The following SLC38A4 variants were observed in gnomAD, a reference collection of about 807,000 sequenced individuals.
SLC38A4 encodes the protein solute carrier family 38 member 4.
A neutral mutation model predicts 63.1 loss-of-function variants in SLC38A4; 20 were observed. The observed-to-expected ratio is 0.32, with a 90% CI of 0.22 to 0.46. The LOEUF (loss-of-function observed/expected upper bound fraction) is 0.46. Ranked by LOEUF, SLC38A4 falls within the 20% of genes least tolerant of loss-of-function variation. SLC38A4 has a pLI of 1.00. For synonymous variants in SLC38A4, 230 were observed against 225.5 expected (o/e 1.02, Z -0.18); for missense variants, 526 against 663.6 (o/e 0.79, Z 2.28).
intron 14 of SLC38A4, among the ~76,000 whole-genome samples, chr12:46,771,706 G>T (rs1938419441): frequency 6.6e-6 from 1 of 152,068 alleles, no homozygotes; most frequent in African/African-American, 2.4e-5. Context: ...TGGTGGAAAA[G>T]ATCAGGAAGG....
chr12:46,809,717 A>G (rs4491335), intron 1 of SLC38A4, among the ~76,000 whole-genome samples: 59,871 of 152,000 alleles, frequency 0.39, 14,487 homozygotes, highest in Non-Finnish European at 0.53. Flanking sequence ...AAATAAATTC[A>G]GAATAGAATG....
chr12:46,821,980 A>G (rs1294366495), intron 1 of SLC38A4, among the ~76,000 whole-genome samples: 2 of 152,084 alleles, frequency 1.3e-5, no homozygotes, highest in Non-Finnish European at 2.9e-5. Flanking sequence ...AGAATAGTTC[A>G]TTGTCAACAT....
In SLC38A4 at chr12:46,781,703, C is replaced by T. The variant is rs115791687; in HGVS notation, c.494-1673G>A. Among the ~76,000 whole-genome samples the T allele has an allele frequency of 4.5e-3, 688 of 152,054 alleles. 4 individuals are homozygous for T. The highest frequency in any genetic ancestry group is 0.016 in the African/African-American group (644 of 41,482). ...TGATGTTACGATATTTCATCTTACT[C>T]CCTTAAAGTCACGCCTCTTACCTGT... On this transcript the variant is annotated intron_variant, in intron 7 of 16. Coordinates refer to ENST00000266579, the MANE Select transcript of SLC38A4 (RefSeq NM_018018.5).
At chr12:46,776,716 G>A (rs1009908236) in intron 13 of SLC38A4, among the ~76,000 whole-genome samples, 188 bp downstream of exon 13, 1 of 151,998 alleles carries the variant, frequency 6.6e-6, no homozygotes, top group African/African-American at 2.4e-5. Flanking sequence ...CTTGTAACTT[G>A]TTAGCCAGGC....
intron 5 of SLC38A4, 90 bp from the exon 6 acceptor site, chr12:46,785,267 C>T (rs1039506192): frequency 1.9e-6 from 2 of 1,054,670 alleles, no homozygotes; most frequent in African/African-American, 3.2e-5. Flanking sequence ...TCACATTAAT[C>T]TTTTCAATCA....
intron 6 of SLC38A4, 80 bp from the exon 7 acceptor site, chr12:46,784,714 GA>G (rs1938722497): frequency 1.8e-6 from 2 of 1,115,028 alleles, no homozygotes; most frequent in Admixed American, 2.1e-5. Flanking sequence ...TTCCATGCTG[GA>G]GTCTCAAACA....
intron 10 of SLC38A4, 104 bp from the exon 11 acceptor site, chr12:46,778,880 CAGTT>C (rs1419115404): frequency 6.0e-6 from 6 of 995,856 alleles, no homozygotes; most frequent in Admixed American, 2.5e-5. Context: ...TGAGGGAACT[CAGTT>C]AGGGATTCCT....
upstream of SLC38A4, among the ~76,000 whole-genome samples, chr12:46,826,236 G>A (rs1939650730): frequency 6.6e-6 from 1 of 152,318 alleles, no homozygotes; most frequent in South Asian, 2.1e-4. Flanking sequence ...GCCCTTAGGA[G>A]TATGCAGTGT....
chr12:46,775,799 T>C (rs1016971774), intron 13 of SLC38A4, among the ~76,000 whole-genome samples: 1 of 152,046 alleles, frequency 6.6e-6, no homozygotes, highest in African/African-American at 2.4e-5. Context: ...AAGACGAAGA[T>C]GCAGCCCTAC....
intron 11 of SLC38A4, 38 bp downstream of exon 11, chr12:46,778,463 A>T: frequency 6.2e-7 from 1 of 1,610,000 alleles, no homozygotes; most frequent in Non-Finnish European, 8.5e-7. Context: ...TAGAAAACAC[A>T]TAACTGTACT....
intron 7 of SLC38A4, among the ~76,000 whole-genome samples, chr12:46,780,603 G>GC (rs1938619153): frequency 6.7e-6 from 1 of 149,264 alleles, no homozygotes; most frequent in African/African-American, 2.5e-5. Flanking sequence ...TGTCAAAGAA[G>GC]TTTTTTTTTT....
intron 2 of SLC38A4, among the ~76,000 whole-genome samples, chr12:46,794,114 T>C (rs147063639): frequency 6.6e-6 from 1 of 152,266 alleles, no homozygotes; most frequent in East Asian, 1.9e-4. Context: ...GCAATACCCA[T>C]TTGATAAGGA....
At chr12:46,807,295 TC>T (rs1469167887) in intron 1 of SLC38A4, among the ~76,000 whole-genome samples, 2 of 152,012 alleles carry the variant, frequency 1.3e-5, no homozygotes, top group African/African-American at 2.4e-5. Context: ...TGCTTCCATT[TC>T]TTTTTAACTT....
At chr12:46,789,935 G>C (rs530773899) in intron 3 of SLC38A4, among the ~76,000 whole-genome samples, 2 of 151,960 alleles carry the variant, frequency 1.3e-5, no homozygotes, top group South Asian at 2.1e-4. Context: ...AAAGTTAGCC[G>C]AGTGTGGTGG....
At chr12:46,771,512 A>G (rs889200157) in intron 14 of SLC38A4, among the ~76,000 whole-genome samples, 11 of 152,038 alleles carry the variant, frequency 7.2e-5, no homozygotes, top group African/African-American at 2.7e-4. Flanking sequence ...ATTTGGCCTA[A>G]TGATATGAGA....
chr12:46,782,672 G>A (rs2120792036), intron 7 of SLC38A4, among the ~76,000 whole-genome samples: 1 of 151,480 alleles, frequency 6.6e-6, no homozygotes, highest in Admixed American at 6.6e-5. Flanking sequence ...CAGAGACATG[G>A]ATATGGAAGC....
At chr12:46,776,805 A>G in intron 13 of SLC38A4, 99 bp downstream of exon 13, 1 of 942,040 alleles carries the variant, frequency 1.1e-6, no homozygotes, top group Non-Finnish European at 1.7e-6. Context: ...TCTATAGAGC[A>G]TGCTTATAGA....
upstream of SLC38A4, among the ~76,000 whole-genome samples, chr12:46,827,289 C>T (rs543205849): frequency 6.6e-6 from 1 of 152,266 alleles, no homozygotes; most frequent in South Asian, 2.1e-4. Flanking sequence ...TTCGTATGGA[C>T]ATTTGCTAAC....
chr12:46,788,111 T>A, intron 4 of SLC38A4, 80 bp from the exon 5 acceptor site: 1 of 1,032,142 alleles, frequency 9.7e-7, no homozygotes, highest in Non-Finnish European at 1.5e-6. Context: ...TCTCACATTA[T>A]CTGCAGATTA....
Sources: gnomAD v4.1 joint callset for allele counts (sites outside exome capture counted in the v4.1 genomes callset) on GRCh38, gnomAD v4.1.1 for gene constraint, MANE v1.5 for transcripts, NCBI Gene and HGNC (gene_info 2026-07-23, HGNC 2026-07-21) for gene names.